SLF1: variants seen among roughly 807,000 people sequenced by gnomAD.
SLF1 encodes the protein SMC5-SMC6 complex localization factor protein 1.
In SLF1, 105 loss-of-function variants were observed where a neutral mutation model predicts 123.0. The observed-to-expected ratio is 0.85, with a 90% confidence interval of 0.73 to 1.00. The LOEUF (loss-of-function observed/expected upper bound fraction) is 1.00, where lower values mean the gene tolerates loss of function less well. SLF1 is among the 50% of genes least tolerant of loss of function. The probability of loss-of-function intolerance (pLI) is 0.00; values close to 1 mark genes in which losing one functional copy is unlikely to be tolerated. For missense variants in SLF1, 1,239 were observed against 1,223.0 expected (o/e 1.01, Z -0.20); for synonymous variants, 434 against 406.6 (o/e 1.07, Z -0.81).
chr5:94,672,790 G>C (rs1302418086), intron 14 of SLF1, among the ~76,000 whole-genome samples: 4 of 152,028 alleles, frequency 2.6e-5, no homozygotes, highest in Non-Finnish European at 4.4e-5. Flanking sequence ...TTATGGGTCT[G>C]TTTCTGTTGT....
At chr5:94,650,496 G>C (rs1178330875) in intron 6 of SLF1, among the ~76,000 whole-genome samples, 1 of 151,858 alleles carries the variant, frequency 6.6e-6, no homozygotes, top group Non-Finnish European at 1.5e-5. Flanking sequence ...CCGAGTAGCT[G>C]GGACTACAGG....
intron 9 of SLF1, 83 bp downstream of exon 9, chr5:94,654,835 ACATATG>A: frequency 8.9e-6 from 9 of 1,006,634 alleles, no homozygotes; most frequent in African/African-American, 1.7e-5. Context: ...ATACATATAT[ACATATG>A]ATTCATTAGT....
In SLF1 at chr5:94,688,609, G is replaced by A. The variant is rs767572897; in HGVS notation, c.2225G>A (p.Arg742Lys). 30 of 1,613,974 alleles carry A rather than the reference G, an allele frequency of 1.9e-5. No individual in the cohort carries two copies. The highest frequency in any genetic ancestry group is 2.5e-5 in the Non-Finnish European group (29 of 1,179,992). Residue 742 changes from arginine to lysine, a missense_variant, in exon 17 of 21, where the codon AGA becomes AAA. By Grantham distance (26) the Arg-to-Lys change is conservative. Transcript: ENST00000265140. ...IGQRPCFDSQ[R>K]TLLMLNGTKQ... ...CAGCGGCCTTGTTTTGACTCTCAGA[G>A]AACCTTACTAATGCTGAATGGTACT...
At chr5:94,688,888 T>A (rs1347568477) in intron 17 of SLF1, among the ~76,000 whole-genome samples, 1 of 152,212 alleles carries the variant, frequency 6.6e-6, no homozygotes, top group Non-Finnish European at 1.5e-5. Flanking sequence ...CTCATCAAAT[T>A]ATTGATGAAT....
chr5:94,648,024 T>G lies in SLF1; in HGVS notation c.595-1430T>G, dbSNP rs144481151. Among the ~76,000 whole-genome samples the G allele has an allele frequency of 4.4e-3, 673 of 152,288 alleles. 7 individuals are homozygous for G. The highest frequency in any genetic ancestry group is 0.015 in the African/African-American group (640 of 41,556). Reference sequence around the variant, plus strand: ...GGTATGTTCCCTGCATTCTCCATAATGAGAATGTATATGGGATTAATTCAT... The same window carrying G: ...GGTATGTTCCCTGCATTCTCCATAAGGAGAATGTATATGGGATTAATTCAT... On this transcript the variant is annotated intron_variant, in intron 5 of 20. Coordinates refer to ENST00000265140, the MANE Select transcript of SLF1 (RefSeq NM_032290.4).
chr5:94,689,736 CTTGGA>C (rs1752869003), intron 18 of SLF1, 130 bp downstream of exon 18: 1 of 741,194 alleles, frequency 1.3e-6, no homozygotes, highest in Non-Finnish European at 2.1e-6. Flanking sequence ...GAAGTACCTT[CTTGGA>C]TAACGTATTA....
chr5:94,640,114 T>C (rs1746279277), intron 4 of SLF1, among the ~76,000 whole-genome samples: 1 of 152,226 alleles, frequency 6.6e-6, no homozygotes, highest in Admixed American at 6.5e-5. Flanking sequence ...TTTGTGTAGC[T>C]CCAGATTTTC....
At chr5:94,679,047 C>T (rs1751448501) in intron 15 of SLF1, 92 bp downstream of exon 15, 2 of 1,416,230 alleles carry the variant, frequency 1.4e-6, no homozygotes, top group Admixed American at 2.1e-5. Context: ...AACATATGTT[C>T]ATTTGAAACT....
intron 6 of SLF1, among the ~76,000 whole-genome samples, chr5:94,650,815 G>A (rs548843568): frequency 6.6e-6 from 1 of 152,180 alleles, no homozygotes; most frequent in Non-Finnish European, 1.5e-5. Context: ...TTGAGTTGAT[G>A]TGCCTCTTGT....
In SLF1 at chr5:94,653,370, A is replaced by G. The variant is rs1410197423; in HGVS notation, c.981A>G (p.Glu327=). Residue 327 remains glutamate (E), a synonymous_variant, in exon 8 of 21, where the codon GAA becomes GAG. Coordinates refer to ENST00000265140, the MANE Select transcript of SLF1 (RefSeq NM_032290.4). ...AAAGCAATTGCAAGAAAGGCGTTGA[A>G]CATGAAAAAATAAAAAGTACCTTAA... is the stretch of plus-strand genomic sequence containing the variant. ...GKESNCKKGV[E]HEKIKSTLRR... 6 of 1,528,216 alleles carry G rather than the reference A, an allele frequency of 3.9e-6. No individual in the cohort carries two copies. Among genetic ancestry groups the G allele is most frequent in the Admixed American group, 4.6e-5 (2 of 43,230 alleles). The allele number at this position is 1,528,216 out of a possible 1,614,324, so 94.7% of individuals were successfully genotyped here.
intron 14 of SLF1, among the ~76,000 whole-genome samples, chr5:94,676,533 A>G (rs1373219418): frequency 1.3e-5 from 2 of 152,218 alleles, no homozygotes; most frequent in Non-Finnish European, 2.9e-5. Context: ...CTCACCTGCT[A>G]GGATCTGGCT....
chr5:94,662,005 T>G (rs1013263047), intron 9 of SLF1, among the ~76,000 whole-genome samples: 1 of 152,188 alleles, frequency 6.6e-6, no homozygotes, highest in African/African-American at 2.4e-5. Flanking sequence ...GCTCTCCCCA[T>G]TTATATTTCT....
intron 14 of SLF1, among the ~76,000 whole-genome samples, chr5:94,673,270 G>A (rs1750670706): frequency 6.6e-6 from 1 of 151,966 alleles, no homozygotes; most frequent in Admixed American, 6.6e-5. Flanking sequence ...GCTCCCTTGA[G>A]TACCTCACTA....
intron 1 of SLF1, among the ~76,000 whole-genome samples, chr5:94,623,466 A>C (rs1451807398): frequency 1.3e-5 from 2 of 152,048 alleles, no homozygotes; most frequent in African/African-American, 4.8e-5. Flanking sequence ...GTCAGAAGTC[A>C]TGCTCTCTTT....
At chr5:94,654,409 A>T (rs1748132268) in intron 8 of SLF1, among the ~76,000 whole-genome samples, 1 of 151,238 alleles carries the variant, frequency 6.6e-6, no homozygotes. Flanking sequence ...AAAAAAAAAA[A>T]GAAAGTACAT....
At position 94,643,394 on chromosome 5, in the gene SLF1, C is replaced by T; in HGVS notation, c.553C>T (p.Pro185Ser). The T allele has an allele frequency of 1.3e-6, 2 of 1,527,530 alleles. No homozygotes were observed. Among genetic ancestry groups the T allele is most frequent in the Middle Eastern group, 1.7e-4 (1 of 5,914 alleles). 94.6% of individuals were successfully genotyped at this position (1,527,530 alleles called of 1,614,324 possible). ...GAAAGAAAAAGATAACTTTAAGGCTCCATTTTATCCAATTCAGTATCTAGG... is the reference window on the plus strand; with the variant it reads ...GAAAGAAAAAGATAACTTTAAGGCTTCATTTTATCCAATTCAGTATCTAGG... ...AEKEKDNFKA[P>S]FYPIQYLGDF... Residue 185 changes from proline to serine, a missense_variant, in exon 5 of 21, where the codon CCA becomes TCA. By Grantham distance (74) the Pro-to-Ser change is moderately conservative. Transcript: ENST00000265140.
Position 94,663,739 on chromosome 5 carries a change from T to C in SLF1, c.1210-11T>C, listed in dbSNP as rs1749409244. On this transcript the variant is annotated splice_polypyrimidine_tract_variant and intron_variant, in intron 10 of 20. Coordinates refer to ENST00000265140, the MANE Select transcript of SLF1 (RefSeq NM_032290.4). ...TCTTTTCTCTGAATCATAGAATCTTTCCTTTCTTAGGTTAAAAATGCTGAA... is the reference window on the plus strand; with the variant it reads ...TCTTTTCTCTGAATCATAGAATCTTCCCTTTCTTAGGTTAAAAATGCTGAA... 7 of 1,507,746 alleles carry C rather than the reference T, an allele frequency of 4.6e-6. No individual in the cohort carries two copies. Among genetic ancestry groups the C allele is most frequent in the Non-Finnish European group, 6.2e-6 (7 of 1,127,040 alleles). 93.4% of individuals were successfully genotyped at this position (1,507,746 alleles called of 1,614,324 possible). A position where few individuals can be genotyped will look rare whatever the true frequency, so the allele number is the denominator to read the frequency against.
intron 4 of SLF1, among the ~76,000 whole-genome samples, chr5:94,633,671 A>T (rs1349146652): frequency 6.6e-6 from 1 of 152,200 alleles, no homozygotes; most frequent in Non-Finnish European, 1.5e-5. Context: ...TTTAACGAAG[A>T]TACTAGAAGA....
At chr5:94,632,686 T>G (rs1179901228) in intron 4 of SLF1, among the ~76,000 whole-genome samples, 1 of 152,152 alleles carries the variant, frequency 6.6e-6, no homozygotes, top group Non-Finnish European at 1.5e-5. Flanking sequence ...TATGTTGAAT[T>G]ATACTTGTTT....
Sources: gnomAD v4.1 joint callset for allele counts (sites outside exome capture counted in the v4.1 genomes callset) on GRCh38, gnomAD v4.1.1 for gene constraint, MANE v1.5 for transcripts, NCBI Gene and HGNC (gene_info 2026-07-23, HGNC 2026-07-21) for gene names.